ZNF429: variants seen among roughly 807,000 people sequenced by gnomAD.
The protein encoded by ZNF429 is zinc finger protein 429.
ZNF429 carries 53 observed loss-of-function variants against 56.8 expected under a neutral mutation model. The observed-to-expected ratio is 0.93, with a 90% CI of 0.75 to 1.17. The LOEUF is 1.17. ZNF429 is among the 50% of genes most tolerant of loss of function. The pLI is 0.00. For missense variants in ZNF429, 849 were observed against 788.4 expected, an observed-to-expected ratio of 1.08 and a Z score of -0.92; for synonymous variants, 278 against 264.7, an observed-to-expected ratio of 1.05 and a Z score of -0.49.
chr19:21,535,412 TTTTCTTTCTTTCTTTCTTTC>T, intron 3 of ZNF429, among the ~76,000 whole-genome samples: 2,628 of 55,052 alleles, frequency 0.048, 164 homozygotes, highest in Admixed American at 0.066. Context: ...TTTCTTTTTC[TTTTCTTTCTTTCTTTCTTTC>T]TTTCTTTCTT....
At chr19:21,512,491 C>G (rs2032538079) in intron 1 of ZNF429, among the ~76,000 whole-genome samples, 2 of 151,878 alleles carry the variant, frequency 1.3e-5, no homozygotes, top group African/African-American at 2.4e-5. Context: ...GAAACCCCAT[C>G]TCTACTAAAA....
intron 3 of ZNF429, among the ~76,000 whole-genome samples, chr19:21,531,068 T>TGCACTCCAGCCTGGGCAACAAGAGTG: frequency 7.8e-6 from 1 of 128,732 alleles, no homozygotes; most frequent in East Asian, 2.4e-4. Context: ...ATCACATCAT[T>TGCACTCCAGCCTGGGCAACAAGAGTG]GCACTCCAGC....
intron 1 of ZNF429, chr19:21,521,887 C>T (rs981255670): frequency 5.9e-5 from 9 of 152,282 alleles, no homozygotes; most frequent in Admixed American, 5.9e-4. Flanking sequence ...TACAGGATCT[C>T]CTCATGCAGC....
chr19:21,516,449 A>G (rs1293090823), intron 1 of ZNF429, among the ~76,000 whole-genome samples: 1 of 152,116 alleles, frequency 6.6e-6, no homozygotes, highest in Non-Finnish European at 1.5e-5. Flanking sequence ...TTCCATATGA[A>G]TTTAAAAACA....
Position 21,538,061 on chromosome 19 carries a change from C to G in ZNF429, c.2008C>G (p.Arg670Gly). Residue 670 changes from arginine to glycine, a missense_variant, in exon 4 of 4, where the codon CGA becomes GGA. Transcript: ENST00000358491. ...TGGGCGGATCACGAGGTCAGGAGATCGAGACCGTCCTGGCTAACATGGTGA... is the reference window on the plus strand; with the variant it reads ...TGGGCGGATCACGAGGTCAGGAGATGGAGACCGTCCTGGCTAACATGGTGA... ...RGGRITRSGD[R>G]DRPG The G allele has an allele frequency of 1.5e-6, 2 of 1,349,508 alleles. No homozygotes were observed. The highest frequency in any genetic ancestry group is 2.4e-5 in the South Asian group (2 of 83,972). The allele number at this position is 1,349,508 out of a possible 1,614,324, so 83.6% of individuals were successfully genotyped here.
Position 21,509,052 on chromosome 19 carries a change from A to C in ZNF429, c.3+3278A>C, listed in dbSNP as rs149790342. On this transcript the variant is annotated intron_variant, in intron 1 of 3. Transcript: ENST00000358491. ...TTTTTTTGAAATGGAGTCTTGCTCA[A>C]GGCTGGGGTGCAGTGGTGCGATCTT... Among the ~76,000 whole-genome samples, 1,290 of 151,862 alleles carry C rather than the reference A, an allele frequency of 8.5e-3. 9 individuals are homozygous for C. The highest frequency in any genetic ancestry group is 0.015 in the Non-Finnish European group (1,014 of 67,958).
intron 1 of ZNF429, among the ~76,000 whole-genome samples, chr19:21,518,049 A>G (rs1444725050): frequency 4.4e-5 from 3 of 68,138 alleles, no homozygotes; most frequent in African/African-American, 1.1e-4. Context: ...CGGCCTCCCA[A>G]AGTGCTGGGA....
At chr19:21,515,539 C>T (rs2032698699) in intron 1 of ZNF429, among the ~76,000 whole-genome samples, 1 of 151,750 alleles carries the variant, frequency 6.6e-6, no homozygotes, top group African/African-American at 2.4e-5. Context: ...TGTAGATTGT[C>T]TGTTTACTCT....
In ZNF429 at chr19:21,537,771, C is replaced by CT; in HGVS notation, c.1722dup (p.Thr575TyrfsTer7). The CT allele has an allele frequency of 6.2e-7, 1 of 1,613,508 alleles. No individual in the cohort carries two copies. On this transcript the variant is annotated frameshift_variant, in exon 4 of 4. Transcript: ENST00000358491. LOFTEE classifies it high-confidence loss of function. The stretch of plus-strand genomic sequence containing the variant: ...TACAAATGTAAACAATGTGACAAAG[C>CT]TTTTACCCACTCCTCAAACCTTAGT...
intron 3 of ZNF429, among the ~76,000 whole-genome samples, chr19:21,534,632 T>C: frequency 2.6e-5 from 4 of 152,182 alleles, no homozygotes; most frequent in Non-Finnish European, 4.4e-5. Context: ...TGGTGTCTAA[T>C]GTGTTGGGAT....
In ZNF429 at chr19:21,537,791, C is replaced by T. The variant is rs779095678; in HGVS notation, c.1738C>T (p.Leu580Phe). Reference protein sequence around the residue: ...CDKAFTHSSNLSSHKKIHSGE... With the variant: ...CDKAFTHSSNFSSHKKIHSGE... The stretch of plus-strand genomic sequence containing the variant: ...CAAAGCTTTTACCCACTCCTCAAAC[C>T]TTAGTAGTCATAAGAAAATTCATAG... Residue 580 changes from leucine (L) to phenylalanine (F), a missense_variant, in exon 4 of 4, where the codon CTT becomes TTT. Physicochemically the swap from Leu to Phe is conservative, Grantham distance 22 (BLOSUM62 0). Transcript: ENST00000358491. 8.7e-6 allele frequency: 14 copies of T among 1,613,356 alleles called. No homozygotes were observed. Among genetic ancestry groups the T allele is most frequent in the South Asian group, 6.6e-5 (6 of 91,048 alleles).
chr19:21,505,992 G>A (rs1243220250), intron 1 of ZNF429: 2 of 462,526 alleles, frequency 4.3e-6, no homozygotes, highest in South Asian at 2.1e-5. Flanking sequence ...CAGTGACTGT[G>A]CCTGACGTGT....
chr19:21,521,041 T>A (rs751015659), intron 1 of ZNF429, among the ~76,000 whole-genome samples: 4 of 152,222 alleles, frequency 2.6e-5, no homozygotes, highest in Non-Finnish European at 5.9e-5. Context: ...TCTACAGACA[T>A]CATGACTAGT....
rs182576592 is a variant in ZNF429 at position 21,537,880 on chromosome 19, T to C, written c.1827T>C (p.Thr609=). 1.2e-6 allele frequency: 2 copies of C among 1,614,004 alleles called. No homozygotes were observed. The highest frequency in any genetic ancestry group is 1.3e-5 in the African/African-American group (1 of 75,022). The stretch of plus-strand genomic sequence containing the variant: ...CTTTTAATCGGTCCTCAAGACTTAC[T>C]CAACATAAGAAAATTCATACTAGAG... ...GKAFNRSSRL[T]QHKKIHTREK... is the part of the protein sequence containing the mutation. Residue 609 remains threonine, a synonymous_variant, in exon 4 of 4, where the codon ACT becomes ACC. Transcript: ENST00000358491.
chr19:21,531,820 A>T, intron 3 of ZNF429, among the ~76,000 whole-genome samples: 1 of 152,076 alleles, frequency 6.6e-6, no homozygotes, highest in African/African-American at 2.4e-5. Flanking sequence ...AAAGAAAAAA[A>T]AAAAAAGCAT....
intron 1 of ZNF429, among the ~76,000 whole-genome samples, chr19:21,514,362 AG>A (rs1442229215): frequency 6.6e-6 from 1 of 152,082 alleles, no homozygotes; most frequent in African/African-American, 2.4e-5. Context: ...ACTAGGCCTC[AG>A]TGCTTGTTGT....
intron 1 of ZNF429, among the ~76,000 whole-genome samples, chr19:21,506,443 CAAAA>C (rs1229591215): frequency 5.0e-5 from 5 of 99,242 alleles, no homozygotes; most frequent in Non-Finnish European, 4.1e-5. Context: ...CTATCTCAAA[CAAAA>C]AAAAAAAAAA....
intron 1 of ZNF429, among the ~76,000 whole-genome samples, chr19:21,514,041 A>G (rs1018890124): frequency 6.6e-6 from 1 of 152,050 alleles, no homozygotes; most frequent in East Asian, 1.9e-4. Context: ...TTCTCCACCA[A>G]CTTAGGGTTC....
At chr19:21,535,358 CTTCT>C in intron 3 of ZNF429, among the ~76,000 whole-genome samples, 14,686 of 64,998 alleles carry the variant, frequency 0.23, 2,950 homozygotes, top group South Asian at 0.38. Context: ...CCTTTCTTTT[CTTCT>C]TTCTTTCTTT....
Sources: allele counts gnomAD v4.1 joint callset (sites outside exome capture counted in the v4.1 genomes callset), GRCh38; gene constraint gnomAD v4.1.1; transcripts MANE v1.5; gene names NCBI Gene and HGNC (gene_info 2026-07-23, HGNC 2026-07-21).